Variants in DENND2C observed in about 807,000 individuals in gnomAD.
DENND2C encodes DENN domain-containing protein 2C.
A neutral mutation model predicts 112.4 loss-of-function variants in DENND2C; 72 were observed. The observed-to-expected ratio is 0.64, with a 90% CI of 0.53 to 0.78. DENND2C has a LOEUF of 0.78. Among genes scored for constraint, DENND2C ranks in the 30% least tolerant of loss-of-function variants. The pLI is 0.00. For missense variants in DENND2C, 992 were observed against 1,113.8 expected (o/e 0.89, Z 1.56); for synonymous variants, 329 against 381.6 (o/e 0.86, Z 1.61).
Position 114,594,547 on chromosome 1 carries a change from T to C in DENND2C, c.2357A>G (p.Lys786Arg). Residue 786 changes from lysine (K) to arginine (R), a missense_variant, in exon 18 of 21, where the codon AAA becomes AGA. Transcript: ENST00000393274. ...AATCTGCATCAGGGCAGCTTGAAGT[T>C]TTGGTGGTAGAATTTCATCCTCATC... ...VSDEDEILPP[K>R]LQAALMQILE... 1 of 1,613,912 alleles carries C rather than the reference T, an allele frequency of 6.2e-7. No individual in the cohort carries two copies. Among genetic ancestry groups the C allele is most frequent in the Non-Finnish European group, 8.5e-7 (1 of 1,179,990 alleles).
chr1:114,590,527 C>T (rs1655156232), intron 18 of DENND2C, among the ~76,000 whole-genome samples: 1 of 152,044 alleles, frequency 6.6e-6, no homozygotes, highest in Non-Finnish European at 1.5e-5. Context: ...GCCTGTAATC[C>T]CAGCACTTTG....
At chr1:114,635,151 T>C (rs2101675983) in intron 3 of DENND2C, among the ~76,000 whole-genome samples, 1 of 152,294 alleles carries the variant, frequency 6.6e-6, no homozygotes, top group African/African-American at 2.4e-5. Flanking sequence ...TTGTTTAAAT[T>C]GTCCCATTGC....
At chr1:114,593,109 A>G (rs1332054026) in intron 18 of DENND2C, among the ~76,000 whole-genome samples, 1 of 152,196 alleles carries the variant, frequency 6.6e-6, no homozygotes, top group Non-Finnish European at 1.5e-5. Flanking sequence ...CTGGGATTAC[A>G]GGTGTGAGCC....
Position 114,601,604 on chromosome 1 carries a change from A to G in DENND2C, c.1738-19T>C. ...CTACTGGCTAAAAGATAAAAACAAC[A>G]ACAACAAAAAAATCAAGCCGCATAC... On this transcript the variant is annotated intron_variant, in intron 12 of 20. Transcript: ENST00000393274. The G allele has an allele frequency of 6.2e-7, 1 of 1,603,318 alleles. No individual in the cohort carries two copies. Among genetic ancestry groups the G allele is most frequent in the South Asian group, 1.1e-5 (1 of 89,296 alleles).
In DENND2C at chr1:114,618,372, A is replaced by G; in HGVS notation, c.1324+14T>C. 6.5e-7 allele frequency: 1 copy of G among 1,536,304 alleles called. No individual in the cohort carries two copies. The highest frequency in any genetic ancestry group is 2.3e-5 in the East Asian group (1 of 43,402). On this transcript the variant is annotated intron_variant, in intron 8 of 20. Transcript: ENST00000393274. ...GACAGCTACAGGATAGCTGGAACGA[A>G]AAACAATTCTTACCTTTTGTCGGAG...
At chr1:114,632,052 A>C (rs1367935055) in intron 3 of DENND2C, among the ~76,000 whole-genome samples, 2 of 152,192 alleles carry the variant, frequency 1.3e-5, no homozygotes, top group Non-Finnish European at 2.9e-5. Flanking sequence ...TTTTAGAAGG[A>C]ATGACCAATA....
rs1328949053 is a variant in DENND2C at position 114,600,337 on chromosome 1, G to T, written c.1972C>A (p.Arg658=). The T allele has an allele frequency of 6.2e-7, 1 of 1,613,912 alleles. No homozygotes were observed. The highest frequency in any genetic ancestry group is 8.5e-7 in the Non-Finnish European group (1 of 1,180,000). The part of the protein sequence containing the change: ...GAGDESIELC[R]PLDSRLEHVD... ...TGTTCCAATCGGGAATCTAGTGGTC[G>T]GCAGAGTTCAATGGACTGAAATGCA... The change falls in exon 15 of 21, where the codon CGA becomes AGA. Residue 658 remains arginine (R), a synonymous_variant. Coordinates refer to ENST00000393274, the MANE Select transcript of DENND2C (RefSeq NM_001256404.2).
chr1:114,660,079 C>T (rs886869600), intron 1 of DENND2C, among the ~76,000 whole-genome samples: 1 of 152,132 alleles, frequency 6.6e-6, no homozygotes, highest in African/African-American at 2.4e-5. Context: ...CATGAGCCAC[C>T]ATGCCTGACT....
At position 114,587,905 on chromosome 1, in the gene DENND2C, C is replaced by CA. The variant is rs777741996; in HGVS notation, c.2478dup (p.Val827CysfsTer15). ...AAAGAATAATGTCCTACCAACTCCA[C>CA]AAAAAACCTGACAAATGCTTCGGAC... On this transcript the variant is annotated frameshift_variant, in exon 19 of 21. Transcript: ENST00000393274. LOFTEE classifies it high-confidence loss of function. 1 of 1,613,922 alleles carries CA rather than the reference C, an allele frequency of 6.2e-7. No individual in the cohort carries two copies. The highest frequency in any genetic ancestry group is 8.5e-7 in the Non-Finnish European group (1 of 1,180,022).
intron 2 of DENND2C, among the ~76,000 whole-genome samples, chr1:114,653,268 G>T (rs574508654): frequency 6.6e-6 from 1 of 151,686 alleles, no homozygotes; most frequent in Admixed American, 6.6e-5. Context: ...ACCACCACAC[G>T]GCTAATTCTG....
At chr1:114,618,653 T>G (rs1656069998) in intron 7 of DENND2C, among the ~76,000 whole-genome samples, 171 bp from the exon 8 acceptor site, 1 of 152,234 alleles carries the variant, frequency 6.6e-6, no homozygotes, top group Admixed American at 6.5e-5. Flanking sequence ...TTAGATGATA[T>G]GTTGTTCTAA....
intron 12 of DENND2C, 78 bp downstream of exon 12, chr1:114,602,047 G>T: frequency 7.2e-7 from 1 of 1,386,298 alleles, no homozygotes; most frequent in Non-Finnish European, 1.0e-6. Flanking sequence ...CTCATCTAGA[G>T]ATAGTGTTTC....
chr1:114,587,101 T>G, intron 20 of DENND2C: 1 of 315,634 alleles, frequency 3.2e-6, no homozygotes, highest in Non-Finnish European at 6.0e-6. Flanking sequence ...TTTCACCATG[T>G]TGGACAGGCT....
chr1:114,629,670 G>T (rs1348295755), intron 3 of DENND2C, among the ~76,000 whole-genome samples: 1 of 152,056 alleles, frequency 6.6e-6, no homozygotes, highest in Non-Finnish European at 1.5e-5. Context: ...GCTCTTCTGT[G>T]TATTTATTTT....
chr1:114,661,702 C>A (rs972975366), intron 1 of DENND2C, among the ~76,000 whole-genome samples: 4 of 152,248 alleles, frequency 2.6e-5, no homozygotes, highest in Non-Finnish European at 4.4e-5. Flanking sequence ...TCTCAGGTGA[C>A]CATTTCCCTC....
At position 114,623,061 on chromosome 1, in the gene DENND2C, G is replaced by A; in HGVS notation, c.982C>T (p.Gln328Ter). The A allele has an allele frequency of 6.2e-7, 1 of 1,611,716 alleles. No individual in the cohort carries two copies. Among genetic ancestry groups the A allele is most frequent in the South Asian group, 1.1e-5 (1 of 90,554 alleles). The change falls in exon 6 of 21, where the codon CAG becomes TAG. Residue 328 changes from glutamine to a stop codon, truncating the protein, a stop_gained. Transcript: ENST00000393274. LOFTEE classifies it high-confidence loss of function. The stretch of plus-strand genomic sequence containing the variant: ...GGGGATCTCCACATAGGTAAAGGCT[G>A]CACTGGAATATCTTCATATGGATTT... ...KENPYEDIPVQPLPMWRSPSA... is the reference protein window; with the variant it reads ...KENPYEDIPV
chr1:114,624,598 C>T (rs951876340), intron 4 of DENND2C, among the ~76,000 whole-genome samples: 4 of 149,194 alleles, frequency 2.7e-5, no homozygotes, highest in African/African-American at 1.0e-4. Flanking sequence ...CCACACCCAG[C>T]TCCTATAGAT....
intron 18 of DENND2C, among the ~76,000 whole-genome samples, chr1:114,592,482 C>T (rs976321227): frequency 2.6e-4 from 40 of 152,158 alleles, no homozygotes; most frequent in African/African-American, 7.5e-4. Context: ...CTTTGAGAGG[C>T]TGAGGTGGGT....
chr1:114,583,449 T>A lies in DENND2C; in HGVS notation c.*2151A>T, dbSNP rs1046297134. The A allele has an allele frequency of 6.6e-6, 1 of 151,664 alleles. No individual in the cohort carries two copies. Among genetic ancestry groups the A allele is most frequent in the Non-Finnish European group, 1.5e-5 (1 of 68,002 alleles). The allele number at this position is 151,664 out of a possible 1,614,324, so 9.4% of individuals were successfully genotyped here. A position where few individuals can be genotyped will look rare whatever the true frequency, so the allele number is the denominator to read the frequency against. On this transcript the variant is annotated 3_prime_UTR_variant, in exon 21 of 21. Transcript: ENST00000393274. ...TGACATTTGCTATAACATTAATCAATGAAAAGTGCACCATCTGAACTTGAA... is the reference window on the plus strand; with the variant it reads ...TGACATTTGCTATAACATTAATCAAAGAAAAGTGCACCATCTGAACTTGAA...
Sources: allele counts gnomAD v4.1 joint callset (sites outside exome capture counted in the v4.1 genomes callset), GRCh38; gene constraint gnomAD v4.1.1; transcripts MANE v1.5; gene names NCBI Gene and HGNC (gene_info 2026-07-23, HGNC 2026-07-21).